The following PHF20 variants were observed in gnomAD, a reference collection of about 807,000 sequenced individuals.
PHF20 encodes the protein PHD finger protein 20, also known as glioma-expressed antigen 2.
A neutral mutation model predicts 113.5 loss-of-function variants in PHF20; 23 were observed. The ratio of observed to expected loss-of-function variants is 0.20; its 90% confidence interval spans 0.15 to 0.29. PHF20 has a LOEUF of 0.29. PHF20 is among the 10% of genes least tolerant of loss of function. PHF20 has a pLI of 1.00. For synonymous variants in PHF20, 434 were observed against 457.3 expected (o/e 0.95, Z 0.65); for missense variants, 943 against 1,219.6 (o/e 0.77, Z 3.38).
intron 4 of PHF20, among the ~76,000 whole-genome samples, chr20:35,847,705 T>C (rs747850369): frequency 1.3e-5 from 2 of 152,228 alleles, no homozygotes; most frequent in Non-Finnish European, 2.9e-5. Flanking sequence ...CCTGGAAGTA[T>C]GCAGGTACTT....
At chr20:35,929,485 C>T (rs1200786323) in intron 14 of PHF20, among the ~76,000 whole-genome samples, 2 of 152,258 alleles carry the variant, frequency 1.3e-5, no homozygotes, top group Admixed American at 6.5e-5. Context: ...GCCAGACAGG[C>T]GATGAGAACC....
Position 35,842,723 on chromosome 20 carries a change from G to T in PHF20, c.234G>T (p.Leu78Phe), listed in dbSNP as rs1447280036. ...LEKIQLRKEG[L>F]HEEDGSSEFQ... ...AAATACAGCTGAGGAAAGAGGGCTT[G>T]CATGAAGAGGATGGATCTTCTGTGA... The change falls in exon 3 of 18, where the codon TTG (leucine) becomes TTT (phenylalanine). Residue 78 changes from leucine to phenylalanine, a missense_variant. Physicochemically the swap from Leu to Phe is conservative, Grantham distance 22 (BLOSUM62 0). Transcript: ENST00000374012. 1 of 1,614,072 alleles carries T rather than the reference G, an allele frequency of 6.2e-7. No individual in the cohort carries two copies. Among genetic ancestry groups the T allele is most frequent in the Non-Finnish European group, 8.5e-7 (1 of 1,179,990 alleles).
chr20:35,780,044 G>C (rs1037235287), intron 1 of PHF20, among the ~76,000 whole-genome samples: 1 of 151,998 alleles, frequency 6.6e-6, no homozygotes, highest in Non-Finnish European at 1.5e-5. Flanking sequence ...TAATAAGCAG[G>C]GCCTCGATTG....
chr20:35,871,273 T>G, intron 8 of PHF20, 139 bp downstream of exon 8: 1 of 732,044 alleles, frequency 1.4e-6, no homozygotes, highest in South Asian at 1.7e-5. Flanking sequence ...AGTGTTTTTA[T>G]AATGTATTGC....
intron 1 of PHF20, chr20:35,774,944 A>C (rs963383692): frequency 1.3e-5 from 2 of 152,226 alleles, no homozygotes; most frequent in Non-Finnish European, 2.9e-5. Flanking sequence ...TATTTCCAGA[A>C]ATGAAATAGA....
intron 4 of PHF20, among the ~76,000 whole-genome samples, chr20:35,851,078 G>A (rs2042723417): frequency 6.6e-6 from 1 of 152,078 alleles, no homozygotes; most frequent in Non-Finnish European, 1.5e-5. Flanking sequence ...TTTCACACAA[G>A]GATTAGCAGA....
intron 2 of PHF20, among the ~76,000 whole-genome samples, chr20:35,807,667 A>G (rs1162709658): frequency 2.0e-5 from 3 of 152,040 alleles, no homozygotes; most frequent in African/African-American, 4.8e-5. Context: ...CTTTATATAT[A>G]TATTTTTTCT....
chr20:35,777,209 C>T (rs1451221802), intron 1 of PHF20, among the ~76,000 whole-genome samples: 4 of 152,122 alleles, frequency 2.6e-5, no homozygotes, highest in Admixed American at 1.3e-4. Context: ...TTATATACCC[C>T]GTATTTACTT....
chr20:35,811,297 G>A lies in PHF20; in HGVS notation c.83+9692G>A, dbSNP rs144999196. 5.3e-3 allele frequency among the ~76,000 whole-genome samples: 811 copies of A among 152,150 alleles called. 9 individuals carry two copies. Among genetic ancestry groups the A allele is most frequent in the African/African-American group, 0.019 (778 of 41,514 alleles). On this transcript the variant is annotated intron_variant, in intron 2 of 17. Transcript: ENST00000374012. ...CTTGACCTCATGATCTGTCCACCTC[G>A]GCCTCCCAAAGTGCTCACATTACAG...
intron 1 of PHF20, among the ~76,000 whole-genome samples, chr20:35,781,417 G>C (rs2041293534): frequency 6.6e-6 from 1 of 152,098 alleles, no homozygotes; most frequent in Non-Finnish European, 1.5e-5. Context: ...CACTGTGCCT[G>C]GCCTTCATTC....
chr20:35,947,762 TG>T lies in PHF20; in HGVS notation c.*137del. The stretch of plus-strand genomic sequence containing the variant: ...ACTTCAGGGATCTGGGCCAGGAGTG[TG>T]GTGGACATTGGACAAAGAGGCCATT... On this transcript the variant is annotated 3_prime_UTR_variant, in exon 18 of 18. Coordinates refer to ENST00000374012, the MANE Select transcript of PHF20 (RefSeq NM_016436.5). The T allele has an allele frequency of 1.1e-6, 1 of 908,640 alleles. No homozygotes were observed. The highest frequency in any genetic ancestry group is 1.6e-6 in the Non-Finnish European group (1 of 612,842). The allele number at this position is 908,640 out of a possible 1,614,324, so 56.3% of individuals were successfully genotyped here.
chr20:35,939,784 T>G (rs2055941185), intron 16 of PHF20, among the ~76,000 whole-genome samples: 1 of 152,216 alleles, frequency 6.6e-6, no homozygotes, highest in Non-Finnish European at 1.5e-5. Flanking sequence ...TCATCATCCT[T>G]ACTTCCCAGA....
intron 5 of PHF20, among the ~76,000 whole-genome samples, chr20:35,861,537 A>C (rs914667528): frequency 1.3e-5 from 2 of 152,174 alleles, no homozygotes; most frequent in African/African-American, 4.8e-5. Context: ...TATGTATGTA[A>C]CTACTTTGTG....
chr20:35,888,775 A>G (rs1350403002), intron 9 of PHF20, among the ~76,000 whole-genome samples: 1 of 149,598 alleles, frequency 6.7e-6, no homozygotes, highest in Non-Finnish European at 1.5e-5. Context: ...TTTTTTAATT[A>G]ATAATTTACA....
At chr20:35,845,261 T>G (rs921241829) in intron 3 of PHF20, 1 of 152,090 alleles carries the variant, frequency 6.6e-6, no homozygotes, top group Non-Finnish European at 1.5e-5. Flanking sequence ...ATTTATTAAT[T>G]TTTTTATTAT....
intron 3 of PHF20, among the ~76,000 whole-genome samples, chr20:35,843,588 GTCT>G (rs772313760): frequency 2.6e-5 from 4 of 151,384 alleles, no homozygotes; most frequent in African/African-American, 9.7e-5. Context: ...CATATGCAAG[GTCT>G]TCTTCTTTTG....
chr20:35,842,279 G>A (rs2042549295), intron 2 of PHF20, among the ~76,000 whole-genome samples: 1 of 152,150 alleles, frequency 6.6e-6, no homozygotes, highest in South Asian at 2.1e-4. Flanking sequence ...CCAGGAGGTT[G>A]CGGTGAGCCA....
intron 10 of PHF20, among the ~76,000 whole-genome samples, chr20:35,907,236 A>G (rs531228607): frequency 5.5e-4 from 84 of 152,268 alleles, no homozygotes; most frequent in Admixed American, 3.9e-3. Flanking sequence ...GACTGGATGG[A>G]ATACTCAAGA....
intron 2 of PHF20, among the ~76,000 whole-genome samples, chr20:35,808,719 C>T (rs1402683788): frequency 2.0e-5 from 3 of 151,692 alleles, no homozygotes; most frequent in Non-Finnish European, 4.4e-5. Flanking sequence ...ACTACAGGCG[C>T]CCGCCACCAC....
Sources: allele counts gnomAD v4.1 joint callset (sites outside exome capture counted in the v4.1 genomes callset), GRCh38; gene constraint gnomAD v4.1.1; transcripts MANE v1.5; gene names NCBI Gene and HGNC (gene_info 2026-07-23, HGNC 2026-07-21).